Variants in TTN observed in about 807,000 individuals in gnomAD.
TTN encodes titin.
Under a neutral mutation model 3,223.0 loss-of-function variants are expected in TTN, and 1,525 were observed. The observed-to-expected ratio is 0.47, with a 90% CI of 0.45 to 0.49. The LOEUF (loss-of-function observed/expected upper bound fraction) is 0.49. TTN is among the 20% of genes least tolerant of loss of function. The probability of loss-of-function intolerance (pLI) is 0.00; values close to 1 mark genes in which losing one functional copy is unlikely to be tolerated. For synonymous variants in TTN, 14,094 were observed against 15,161.0 expected, an observed-to-expected ratio of 0.93 and a Z score of 5.17; for missense variants, 40,786 against 43,424.0, an observed-to-expected ratio of 0.94 and a Z score of 5.40.
At chr2:178,549,925 C>T (rs988037992) in intron 337 of TTN, 56 bp from the exon 338 acceptor site, 1 of 1,546,882 alleles carries the variant, frequency 6.5e-7, no homozygotes, top group South Asian at 1.3e-5. Flanking sequence ...TAAAATACAA[C>T]TAGGCATGTC....
At chr2:178,717,008 T>C (rs1157598865) in intron 88 of TTN, 87 bp downstream of exon 88, 2 of 1,438,538 alleles carry the variant, frequency 1.4e-6, no homozygotes, top group Non-Finnish European at 9.3e-7. Flanking sequence ...GTCCTAAACA[T>C]AGCTCTCTCT....
Position 178,712,946 on chromosome 2 carries a change from G to T in TTN, c.27079C>A (p.Pro9027Thr), listed in dbSNP as rs2154296309. The T allele has an allele frequency of 1.2e-6, 2 of 1,612,854 alleles. No homozygotes were observed. Among genetic ancestry groups the T allele is most frequent in the East Asian group, 4.5e-5 (2 of 44,842 alleles). ...TTGGTCCCAGTTAAAACATCCATGGGATCAGGTTTCTGAACAAAAGATGGT... is the reference window on the plus strand; with the variant it reads ...TTGGTCCCAGTTAAAACATCCATGGTATCAGGTTTCTGAACAAAAGATGGT... ...EPPSFVQKPD[P>T]MDVLTGTNVT... Residue 9027 changes from proline to threonine, a missense_variant, in exon 94 of 363, where the codon CCC (proline) becomes ACC (threonine). Transcript: ENST00000589042.
rs771938214 is a variant in TTN at position 178,652,581 on chromosome 2, A to G, written c.39044-40T>C. ...GTGAAATTACATTTAGAAGTTATGA[A>G]GACCATTAGGAAAAATATTTTCAAG... On this transcript the variant is annotated intron_variant, in intron 201 of 362. Coordinates refer to ENST00000589042, the MANE Select transcript of TTN (RefSeq NM_001267550.2). The G allele has an allele frequency of 7.9e-5, 127 of 1,611,866 alleles. No homozygotes were observed. The East Asian group carries it at 2.8e-3, about 35-fold the overall frequency.
chr2:178,652,667 A>G lies in TTN; in HGVS notation c.39029T>C (p.Val13010Ala), dbSNP rs1197322660. Reference protein sequence around the residue: ...VPSAPPKKPEVPPVKVPEAPK... With the variant: ...VPSAPPKKPEAPPVKVPEAPK... ...ATGACAAATACCTTTAACAGGTGGGACTTCAGGCTTTTTAGGAGGAGCCGA... is the reference window on the plus strand; with the variant it reads ...ATGACAAATACCTTTAACAGGTGGGGCTTCAGGCTTTTTAGGAGGAGCCGA... The change falls in exon 201 of 363, where the codon GTC becomes GCC. Residue 13010 changes from valine (V) to alanine (A), a missense_variant. By Grantham distance (64) the Val-to-Ala change is moderately conservative (BLOSUM62 0). Transcript: ENST00000589042. The G allele has an allele frequency of 9.9e-6, 16 of 1,613,356 alleles. No homozygotes were observed. The highest frequency in any genetic ancestry group is 1.3e-5 in the Non-Finnish European group (15 of 1,179,584).
Position 178,549,864 on chromosome 2 carries a change from G to C in TTN, c.91858C>G (p.Pro30620Ala). ...AEIKVKVQDT[P>A]GKVVGPIRFT... Reference sequence around the variant, plus strand: ...CTTATTGGCCCAACTACTTTTCCTGGTGTATCTATAAGAAAAAGTTTCTAG... The same window carrying C: ...CTTATTGGCCCAACTACTTTTCCTGCTGTATCTATAAGAAAAAGTTTCTAG... Residue 30620 changes from proline to alanine, a missense_variant, in exon 338 of 363, where the codon CCA becomes GCA. By Grantham distance (27) the Pro-to-Ala change is conservative. Transcript: ENST00000589042. 6.4e-7 allele frequency: 1 copy of C among 1,558,138 alleles called. No individual in the cohort carries two copies. Among genetic ancestry groups the C allele is most frequent in the Non-Finnish European group, 8.7e-7 (1 of 1,154,952 alleles).
At position 178,776,667 on chromosome 2, in the gene TTN, T is replaced by C. The variant is rs759175898; in HGVS notation, c.5197A>G (p.Thr1733Ala). 7 of 1,614,116 alleles carry C rather than the reference T, an allele frequency of 4.3e-6. No individual in the cohort carries two copies. Among genetic ancestry groups the C allele is most frequent in the South Asian group, 3.3e-5 (3 of 91,088 alleles). The change falls in exon 28 of 363, where the codon ACG becomes GCG. Residue 1733 changes from threonine to alanine, a missense_variant. Physicochemically the swap from Thr to Ala is moderately conservative, Grantham distance 58. Coordinates refer to ENST00000589042, the MANE Select transcript of TTN (RefSeq NM_001267550.2). The part of the protein sequence containing the change: ...ECRLTPIGDP[T>A]MVVEWLHDGK... ...TCATGGAGCCACTCCACCACCATCG[T>C]TGGGTCACCAATGGGTGTTAGCCTG... is the stretch of plus-strand genomic sequence containing the variant.
Position 178,542,369 on chromosome 2 carries a change from T to TGGTAAACTTAAACGTGGACCTA in TTN, c.97365_97386dup (p.Arg32463Ter), listed in dbSNP as rs1695004999. ...ACATACTCATTTCCTTCGGTGAGTC[T>TGGTAAACTTAAACGTGGACCTA]GGTAAACTTAAACGTGGACCTAGTC... is the stretch of plus-strand genomic sequence containing the variant. On this transcript the variant is annotated stop_gained and frameshift_variant, in exon 349 of 363. Coordinates refer to ENST00000589042, the MANE Select transcript of TTN (RefSeq NM_001267550.2). LOFTEE classifies it high-confidence loss of function. The TGGTAAACTTAAACGTGGACCTA allele has an allele frequency of 6.2e-7, 1 of 1,613,494 alleles. No homozygotes were observed. Among genetic ancestry groups the TGGTAAACTTAAACGTGGACCTA allele is most frequent in the Non-Finnish European group, 8.5e-7 (1 of 1,179,706 alleles).
Position 178,667,648 on chromosome 2 carries a change from T to C in TTN, c.35619A>G (p.Lys11873=), listed in dbSNP as rs2066209208. ...ATTGGTGTTATATACCTTTTGCTAG[T>C]TTGGGTTTTGTCTTTTGAGGTTGAG... ...LVTQPQKTKP[K]LAKVPEPPKK... Residue 11873 remains lysine, a synonymous_variant, in exon 160 of 363, where the codon AAA becomes AAG. Coordinates refer to ENST00000589042, the MANE Select transcript of TTN (RefSeq NM_001267550.2). The C allele has an allele frequency of 6.3e-7, 1 of 1,596,758 alleles. No individual in the cohort carries two copies. Among genetic ancestry groups the C allele is most frequent in the Non-Finnish European group, 8.5e-7 (1 of 1,178,986 alleles).
intron 350 of TTN, 27 bp from the exon 351 acceptor site, chr2:178,540,397 G>T: frequency 6.4e-7 from 1 of 1,554,694 alleles, no homozygotes; most frequent in Non-Finnish European, 8.7e-7. Flanking sequence ...GAATATACTG[G>T]TTAAAGTTGC....
intron 47 of TTN, chr2:178,748,980 C>T (rs1242106834): frequency 6.2e-7 from 1 of 1,612,332 alleles, no homozygotes; most frequent in African/African-American, 1.3e-5. Flanking sequence ...GGTCTTTTTT[C>T]TAGAACTCCT....
chr2:178,752,730 C>T (rs1399181303), intron 47 of TTN, among the ~76,000 whole-genome samples: 2 of 152,062 alleles, frequency 1.3e-5, no homozygotes, highest in African/African-American at 4.8e-5. Flanking sequence ...TCATTCATGA[C>T]ATTGCATTCT....
At chr2:178,596,850 G>A (rs2051788539) in intron 294 of TTN, among the ~76,000 whole-genome samples, 1 of 151,942 alleles carries the variant, frequency 6.6e-6, no homozygotes, top group African/African-American at 2.4e-5. Flanking sequence ...GCAAATCACT[G>A]GACTAAAGCC....
intron 335 of TTN, 73 bp from the exon 336 acceptor site, chr2:178,551,333 T>C (rs1699349187): frequency 5.0e-6 from 6 of 1,208,844 alleles, no homozygotes; most frequent in Non-Finnish European, 6.6e-6. Context: ...GGAAGAACAA[T>C]ACAATTATTC....
At chr2:178,742,071 A>G (rs1335241182) in intron 47 of TTN, 150 bp from the exon 48 acceptor site, 1 of 720,296 alleles carries the variant, frequency 1.4e-6, no homozygotes, top group Non-Finnish European at 1.9e-6. Flanking sequence ...CAAAAAGCAC[A>G]TTTCTAAATT....
Position 178,615,752 on chromosome 2 carries a change from G to C in TTN, c.48349C>G (p.Pro16117Ala). 2 of 1,611,932 alleles carry C rather than the reference G, an allele frequency of 1.2e-6. No homozygotes were observed. The highest frequency in any genetic ancestry group is 1.7e-6 in the Non-Finnish European group (2 of 1,178,742). The change falls in exon 258 of 363, where the codon CCT (proline) becomes GCT (alanine). Residue 16117 changes from proline to alanine, a missense_variant. By Grantham distance (27) the Pro-to-Ala change is conservative. Transcript: ENST00000589042. ...DFVTDLEFTV[P>A]DLVQGKEYLF... ...TACTCTTTTCCTTGAACAAGATCAG[G>C]AACTGTGAATTCTAGATCAGTCACA...
Position 178,738,112 on chromosome 2 carries a change from C to T in TTN, c.14341G>A (p.Val4781Ile), listed in dbSNP as rs2081852478. The change falls in exon 49 of 363, where the codon GTC (valine) becomes ATC (isoleucine). Residue 4781 changes from valine (V) to isoleucine (I), a missense_variant. By Grantham distance (29) the Val-to-Ile change is conservative. Coordinates refer to ENST00000589042, the MANE Select transcript of TTN (RefSeq NM_001267550.2). The part of the protein sequence containing the change: ...TCKASNEYGS[V>I]SCTATLTVTE... ...ACAGTTAGTGTGGCTGTACAGCTGA[C>T]ACTGCCATACTCATTGGAAGCTTTG... The T allele has an allele frequency of 6.2e-7, 1 of 1,613,642 alleles. No individual in the cohort carries two copies. Among genetic ancestry groups the T allele is most frequent in the Non-Finnish European group, 8.5e-7 (1 of 1,179,664 alleles).
rs2091129257 is a variant in TTN at position 178,769,542 on chromosome 2, G to C, written c.8902+137C>G. ...GCCTCCCAAAGTGCTGGGATTACAG[G>C]CTTGAGCCACCCTGCCCACCCAATC... On this transcript the variant is annotated intron_variant, in intron 37 of 362. Transcript: ENST00000589042. The C allele has an allele frequency of 6.1e-6, 4 of 660,698 alleles. 1 individual carries two copies. In the South Asian group the frequency reaches 1.8e-4, roughly 29 times the overall value. The allele number at this position is 660,698 out of a possible 1,614,324, so 40.9% of individuals were successfully genotyped here. A position where few individuals can be genotyped will look rare whatever the true frequency, so the allele number is the denominator to read the frequency against.
chr2:178,552,449 G>A lies in TTN; in HGVS notation c.90451C>T (p.Leu30151Phe), dbSNP rs750520740. ...GGTTTTCCCTTATAAGGTAATTCAA[G>A]GTGCACATTGTGCCCAATTCTCACA... ...VTVRIGHNVHLELPYKGKPKP... is the reference protein window; with the variant it reads ...VTVRIGHNVHFELPYKGKPKP... Residue 30151 changes from leucine to phenylalanine, a missense_variant, in exon 335 of 363, where the codon CTT (leucine) becomes TTT (phenylalanine). Physicochemically the swap from Leu to Phe is conservative, Grantham distance 22. Transcript: ENST00000589042. The A allele has an allele frequency of 1.2e-6, 2 of 1,605,120 alleles. No homozygotes were observed. The highest frequency in any genetic ancestry group is 1.7e-5 in the Admixed American group (1 of 59,782).
chr2:178,650,347 A>G, intron 209 of TTN, 76 bp from the exon 210 acceptor site: 1 of 1,279,168 alleles, frequency 7.8e-7, no homozygotes. Flanking sequence ...AACACGATAA[A>G]TAGTAATCTT....
Sources: gnomAD v4.1 joint callset for allele counts (sites outside exome capture counted in the v4.1 genomes callset) on GRCh38, gnomAD v4.1.1 for gene constraint, MANE v1.5 for transcripts, NCBI Gene and HGNC (gene_info 2026-07-23, HGNC 2026-07-21) for gene names.